The following PKHD1 variants were observed in gnomAD, a reference collection of about 807,000 sequenced individuals.
PKHD1 encodes the protein fibrocystin.
Under a neutral mutation model 412.0 loss-of-function variants are expected in PKHD1, and 291 were observed. That is an observed-to-expected ratio of 0.71 (90% CI 0.64 to 0.78). The LOEUF is 0.78. Among genes scored for constraint, PKHD1 ranks in the 30% least tolerant of loss-of-function variants. The probability of loss-of-function intolerance (pLI) is 0.00; values close to 1 mark genes in which losing one functional copy is unlikely to be tolerated. For synonymous variants in PKHD1, 1,777 were observed against 1,821.5 expected, an observed-to-expected ratio of 0.98 and a Z score of 0.62; for missense variants, 4,825 against 4,950.7, an observed-to-expected ratio of 0.97 and a Z score of 0.76.
At chr6:51,686,138 G>C (rs1178134231) in intron 60 of PKHD1, among the ~76,000 whole-genome samples, 3 of 152,098 alleles carry the variant, frequency 2.0e-5, no homozygotes, top group African/African-American at 7.2e-5. Flanking sequence ...TTGGATGACA[G>C]CACCTAAATC....
chr6:52,054,186 C>A, intron 19 of PKHD1, 21 bp from the exon 20 acceptor site: 1 of 1,612,718 alleles, frequency 6.2e-7, no homozygotes, highest in Non-Finnish European at 8.5e-7. Context: ...CAAATAAGTC[C>A]TTCAGTTCTA....
chr6:51,946,108 T>C (rs1333807881), intron 36 of PKHD1, among the ~76,000 whole-genome samples: 1 of 152,220 alleles, frequency 6.6e-6, no homozygotes, highest in Non-Finnish European at 1.5e-5. Context: ...AAGCAAAATG[T>C]TAAATACACT....
intron 65 of PKHD1, among the ~76,000 whole-genome samples, chr6:51,628,600 G>A (rs1388084471): frequency 6.6e-6 from 1 of 152,074 alleles, no homozygotes; most frequent in African/African-American, 2.4e-5. Context: ...CCCAGTAATG[G>A]GATTACTGAG....
chr6:51,921,923 A>C (rs1295981093), intron 37 of PKHD1, among the ~76,000 whole-genome samples: 2 of 152,138 alleles, frequency 1.3e-5, no homozygotes, highest in East Asian at 3.9e-4. Context: ...TCTGAAGCCT[A>C]CTTCTGTCAA....
intron 34 of PKHD1, among the ~76,000 whole-genome samples, chr6:52,015,617 G>A (rs1027205981): frequency 7.9e-5 from 12 of 152,124 alleles, no homozygotes. Context: ...GAGGTCAGGA[G>A]ATCGAGACCA....
At chr6:51,941,015 T>C (rs1424484724) in intron 36 of PKHD1, among the ~76,000 whole-genome samples, 2 of 151,178 alleles carry the variant, frequency 1.3e-5, no homozygotes, top group Admixed American at 1.3e-4. Context: ...TGCTGCCCTT[T>C]ACCCCAGTTC....
intron 52 of PKHD1, among the ~76,000 whole-genome samples, chr6:51,830,110 G>A (rs1421806039): frequency 6.6e-6 from 1 of 151,994 alleles, no homozygotes; most frequent in Non-Finnish European, 1.5e-5. Flanking sequence ...TTCCATTATG[G>A]ATCTTCTTTT....
At chr6:52,050,909 GCAAT>G (rs1443741573) in intron 21 of PKHD1, among the ~76,000 whole-genome samples, 1 of 152,180 alleles carries the variant, frequency 6.6e-6, no homozygotes, top group Non-Finnish European at 1.5e-5. Flanking sequence ...ATGATTGATA[GCAAT>G]CAATCTGACA....
At chr6:52,030,490 T>G (rs1332254642) in intron 29 of PKHD1, among the ~76,000 whole-genome samples, 1 of 152,048 alleles carries the variant, frequency 6.6e-6, no homozygotes, top group Non-Finnish European at 1.5e-5. Context: ...GTGTAGTGAG[T>G]TCAAGGGATT....
intron 52 of PKHD1, among the ~76,000 whole-genome samples, chr6:51,809,896 G>A (rs1764436769): frequency 1.3e-5 from 2 of 149,894 alleles, no homozygotes; most frequent in Non-Finnish European, 3.0e-5. Context: ...AGGCTTACCA[G>A]TAATTGTTTT....
chr6:51,782,703 C>G (rs1792225408), intron 53 of PKHD1, among the ~76,000 whole-genome samples: 1 of 152,086 alleles, frequency 6.6e-6, no homozygotes, highest in Non-Finnish European at 1.5e-5. Context: ...ATTTTCTAAT[C>G]ATAGTTAAAT....
chr6:51,740,143 T>C (rs535154949), intron 60 of PKHD1: 4 of 405,388 alleles, frequency 9.9e-6, no homozygotes, highest in African/African-American at 8.3e-5. Flanking sequence ...TGCTCTCTAC[T>C]GTTATACATT....
At chr6:51,844,021 A>T (rs1442907818) in intron 50 of PKHD1, among the ~76,000 whole-genome samples, 1 of 152,262 alleles carries the variant, frequency 6.6e-6, no homozygotes, top group Non-Finnish European at 1.5e-5. Context: ...ACCCTTTCAG[A>T]AAGGTTATAA....
At position 51,991,717 on chromosome 6, in the gene PKHD1, G is replaced by C. The variant is rs116753429; in HGVS notation, c.5751+18592C>G. Among the ~76,000 whole-genome samples, 950 of 152,284 alleles carry C rather than the reference G, an allele frequency of 6.2e-3. 16 individuals carry two copies. Among genetic ancestry groups the C allele is most frequent in the African/African-American group, 0.021 (881 of 41,554 alleles). ...GTCAATATCCCCTGATGCTGAAAGG[G>C]ATTGTTTCTTAAGACTTCACAGAGA... On this transcript the variant is annotated intron_variant, in intron 35 of 66. Transcript: ENST00000371117.
chr6:51,722,370 GC>G (rs1166711393), intron 60 of PKHD1, among the ~76,000 whole-genome samples: 1 of 152,152 alleles, frequency 6.6e-6, no homozygotes, highest in Non-Finnish European at 1.5e-5. Flanking sequence ...TCCCCAGAAA[GC>G]TTATATAAAC....
chr6:51,948,815 C>T (rs147467687), intron 36 of PKHD1, among the ~76,000 whole-genome samples: 199 of 152,158 alleles, frequency 1.3e-3, no homozygotes, highest in African/African-American at 4.5e-3. Context: ...TTCTTGAGAG[C>T]AGATCAAAGA....
At chr6:52,069,313 C>T (rs770057393) in intron 11 of PKHD1, 144 bp downstream of exon 11, 4 of 747,910 alleles carry the variant, frequency 5.3e-6, no homozygotes, top group Non-Finnish European at 9.9e-6. Flanking sequence ...AATTTAATCT[C>T]AACCAAAAAC....
chr6:51,672,963 T>C (rs1274433762), intron 60 of PKHD1, among the ~76,000 whole-genome samples: 1 of 152,218 alleles, frequency 6.6e-6, no homozygotes, highest in Non-Finnish European at 1.5e-5. Flanking sequence ...GGAAAAAGCA[T>C]ACCTGATAGA....
chr6:51,903,556 C>T (rs1583292658), intron 43 of PKHD1, 41 bp downstream of exon 43: 1 of 1,584,906 alleles, frequency 6.3e-7, no homozygotes, highest in African/African-American at 1.3e-5. Context: ...AACTTTATGC[C>T]CTCTCAGTTC....
Sources: gnomAD v4.1 joint callset for allele counts (sites outside exome capture counted in the v4.1 genomes callset) on GRCh38, gnomAD v4.1.1 for gene constraint, MANE v1.5 for transcripts, NCBI Gene and HGNC (gene_info 2026-07-23, HGNC 2026-07-21) for gene names.